The following HUS1 variants were observed in gnomAD, a reference collection of about 807,000 sequenced individuals.
HUS1 encodes the protein checkpoint protein HUS1.
HUS1 carries 31 observed loss-of-function variants against 32.6 expected under a neutral mutation model. That is an observed-to-expected ratio of 0.95 (90% CI 0.72 to 1.28). HUS1 has a LOEUF of 1.28. HUS1 is among the 50% of genes most tolerant of loss of function. The pLI, the probability that HUS1 is intolerant of heterozygous loss-of-function variation, is 0.00. For synonymous variants in HUS1, 123 were observed against 116.6 expected (o/e 1.06, Z -0.36); for missense variants, 340 against 337.7 (o/e 1.01, Z -0.05).
chr7:47,978,266 C>G (rs1788749019), intron 3 of HUS1, 151 bp downstream of exon 3: 2 of 635,092 alleles, frequency 3.1e-6, no homozygotes, highest in South Asian at 4.9e-5. Context: ...GGAACTGACT[C>G]TAATGCAAAA....
At chr7:47,969,653 T>C (rs1453867099) in intron 5 of HUS1, among the ~76,000 whole-genome samples, 1 of 151,878 alleles carries the variant, frequency 6.6e-6, no homozygotes, top group Non-Finnish European at 1.5e-5. Flanking sequence ...GAGGGCTGGG[T>C]GGAGCTGATG....
At chr7:47,973,591 T>C (rs922030529) in intron 5 of HUS1, among the ~76,000 whole-genome samples, 13 of 152,194 alleles carry the variant, frequency 8.5e-5, no homozygotes, top group Non-Finnish European at 1.2e-4. Flanking sequence ...GTGTGTTAAG[T>C]CTACCCATTT....
chr7:47,977,467 G>C (rs1788728918), intron 3 of HUS1, among the ~76,000 whole-genome samples: 1 of 152,148 alleles, frequency 6.6e-6, no homozygotes. Context: ...TGCACTTTTG[G>C]ACAAAAAGTA....
chr7:47,979,510 G>A lies in HUS1; in HGVS notation c.10C>T (p.Arg4Trp), dbSNP rs138248432. 5 of 1,611,762 alleles carry A rather than the reference G, an allele frequency of 3.1e-6. No homozygotes were observed. The highest frequency in any genetic ancestry group is 1.7e-4 in the Middle Eastern group (1 of 5,854). The part of the protein sequence containing the change: MKF[R>W]AKIVDGACLN... ...CAGGCCCCGTCCACGATCTTGGCCC[G>A]AAACTTCATGGCCGCGGATGGCGCA... The change falls in exon 1 of 8, where the codon CGG becomes TGG. Residue 4 changes from arginine to tryptophan, a missense_variant. Transcript: ENST00000258774.
intron 7 of HUS1, 54 bp from the exon 8 acceptor site, chr7:47,965,492 A>G: frequency 7.7e-7 from 1 of 1,303,228 alleles, no homozygotes; most frequent in Non-Finnish European, 1.1e-6. Context: ...ACACATTTTG[A>G]TCTCTACTTT....
Position 47,978,835 on chromosome 7 carries a change from TAA to T in HUS1, c.53-21_53-20del. 6.2e-7 allele frequency: 1 copy of T among 1,611,526 alleles called. No individual in the cohort carries two copies. The highest frequency in any genetic ancestry group is 2.2e-5 in the East Asian group (1 of 44,852). Reference sequence around the variant, plus strand: ...CTGATTCCTAAAGCAGGGGTTAAAATAAGGAATTACTAAAATGCACATTATGT... The same window carrying T: ...CTGATTCCTAAAGCAGGGGTTAAAATGGAATTACTAAAATGCACATTATGT... On this transcript the variant is annotated intron_variant, in intron 1 of 7. Transcript: ENST00000258774.
At position 47,967,816 on chromosome 7, in the gene HUS1, C is replaced by T; in HGVS notation, c.750G>A (p.Lys250=). ...GAGAAGCACACTCACTGCATAAGGC[C>T]TTTGTGGGATTTACTTGTTGTCCAG... ...FLAGQQVNPT[K]ALCNIVNNKM... The change falls in exon 7 of 8, where the codon AAG becomes AAA. Residue 250 remains lysine (K), a synonymous_variant. Transcript: ENST00000258774. 2.5e-6 allele frequency: 4 copies of T among 1,613,302 alleles called. No individual in the cohort carries two copies. The highest frequency in any genetic ancestry group is 2.2e-5 in the South Asian group (2 of 90,926).
At chr7:47,970,443 C>A (rs913665903) in intron 5 of HUS1, among the ~76,000 whole-genome samples, 1 of 151,492 alleles carries the variant, frequency 6.6e-6, no homozygotes, top group African/African-American at 2.4e-5. Flanking sequence ...ATAGGCACCA[C>A]AGAGAGAATA....
intron 5 of HUS1, among the ~76,000 whole-genome samples, chr7:47,973,250 A>G (rs1336678894): frequency 6.6e-6 from 1 of 152,170 alleles, no homozygotes; most frequent in East Asian, 1.9e-4. Flanking sequence ...GTGAAAACGG[A>G]GTAATACAGG....
intron 5 of HUS1, 40 bp from the exon 6 acceptor site, chr7:47,969,358 C>G (rs774980320): frequency 8.3e-7 from 1 of 1,211,518 alleles, no homozygotes; most frequent in Non-Finnish European, 1.2e-6. Flanking sequence ...GAAAAGGAAG[C>G]CAAAAGGAAA....
rs3176577 is a variant in HUS1, at chr7:47,969,551, C to T, written c.541-233G>A. On this transcript the variant is annotated intron_variant, in intron 5 of 7. Coordinates refer to ENST00000258774, the MANE Select transcript of HUS1 (RefSeq NM_004507.4). ...AGGGGAAGTCCCCCTGCCTGCCTCC[C>T]GGAATGAAGAACTCAGTGAAGATGT... Among the ~76,000 whole-genome samples the T allele has an allele frequency of 3.9e-3, 594 of 152,270 alleles. 8 individuals carry two copies. Among genetic ancestry groups the T allele is most frequent in the African/African-American group, 0.013 (553 of 41,548 alleles).
intron 5 of HUS1, among the ~76,000 whole-genome samples, chr7:47,972,971 G>A (rs988742118): frequency 1.1e-4 from 16 of 152,168 alleles, no homozygotes; most frequent in Admixed American, 2.6e-4. Context: ...GGGGCCTGGT[G>A]GTAGGTGACT....
chr7:47,978,374 A>T, intron 3 of HUS1, 43 bp downstream of exon 3: 3 of 1,552,986 alleles, frequency 1.9e-6, no homozygotes, highest in Non-Finnish European at 2.7e-6. Flanking sequence ...TATTCCTTCG[A>T]GGCCAAGACT....
intron 7 of HUS1, among the ~76,000 whole-genome samples, chr7:47,965,984 C>T (rs1788470038): frequency 6.6e-6 from 1 of 152,054 alleles, no homozygotes; most frequent in African/African-American, 2.4e-5. Context: ...AGTGTGACAA[C>T]CACCGAGAGC....
rs376248471 is a variant in HUS1 at position 47,979,467 on chromosome 7, C to T, written c.52+1G>A. 8.6e-5 allele frequency: 138 copies of T among 1,613,390 alleles called. No individual in the cohort carries two copies. Among genetic ancestry groups the T allele is most frequent in the Non-Finnish European group, 1.2e-4 (136 of 1,179,928 alleles). On this transcript the variant is annotated splice_donor_variant, in intron 1 of 7. Transcript: ENST00000258774. LOFTEE classifies it high-confidence loss of function. ...CGCTCCTCTCCGGCCTCCCTGCTCA[C>T]GTGTGAAGTGGTTCAGACAGGCCCC...
At chr7:47,968,019 C>CT (rs771338795) in intron 6 of HUS1, 94 bp from the exon 7 acceptor site, 34 of 1,318,126 alleles carry the variant, frequency 2.6e-5, no homozygotes, top group Non-Finnish European at 3.3e-5. Flanking sequence ...AAATGATTCA[C>CT]TTTAGCACTG....
chr7:47,967,886 A>G lies in HUS1; in HGVS notation c.680T>C (p.Met227Thr), dbSNP rs1788513039. The change falls in exon 7 of 8, where the codon ATG (methionine) becomes ACG (threonine). Residue 227 changes from methionine to threonine, a missense_variant. Physicochemically the swap from Met to Thr is moderately conservative, Grantham distance 81. Transcript: ENST00000258774. ...STHEDRNVEH[M>T]AEVHIDIRKL... ...CCTAATATCTATGTGCACTTCAGCC[A>G]TGTGTTCCACGTTTCTGTCCTCATG... The G allele has an allele frequency of 1.9e-6, 3 of 1,614,054 alleles. No individual in the cohort carries two copies. Among genetic ancestry groups the G allele is most frequent in the Non-Finnish European group, 2.5e-6 (3 of 1,179,938 alleles).
intron 5 of HUS1, among the ~76,000 whole-genome samples, chr7:47,971,088 A>G (rs1237462921): frequency 2.0e-5 from 3 of 152,250 alleles, no homozygotes; most frequent in African/African-American, 7.2e-5. Context: ...TGATGTAGAC[A>G]TAATATAACC....
intron 5 of HUS1, among the ~76,000 whole-genome samples, 178 bp downstream of exon 5, chr7:47,975,435 G>T (rs1026864844): frequency 1.3e-5 from 2 of 152,122 alleles, no homozygotes; most frequent in Admixed American, 6.5e-5. Flanking sequence ...AAAAGTATTG[G>T]AATAGGTTTC....
Sources: allele counts gnomAD v4.1 joint callset (sites outside exome capture counted in the v4.1 genomes callset), GRCh38; gene constraint gnomAD v4.1.1; transcripts MANE v1.5; gene names NCBI Gene and HGNC (gene_info 2026-07-23, HGNC 2026-07-21).